Variants in CADPS2 observed in about 807,000 individuals in gnomAD.
CADPS2 encodes calcium dependent secretion activator 2.
In CADPS2, 93 loss-of-function variants were observed where a neutral mutation model predicts 172.5. The ratio of observed to expected loss-of-function variants is 0.54; its 90% CI spans 0.46 to 0.64. The LOEUF (loss-of-function observed/expected upper bound fraction) is 0.64. CADPS2 is among the 30% of genes least tolerant of loss of function. CADPS2 has a pLI of 0.00. For missense variants in CADPS2, 1,420 were observed against 1,565.9 expected (o/e 0.91, Z 1.57); for synonymous variants, 546 against 555.2 (o/e 0.98, Z 0.23).
At chr7:122,743,992 C>T (rs897210395) in intron 1 of CADPS2, among the ~76,000 whole-genome samples, 1 of 152,200 alleles carries the variant, frequency 6.6e-6, no homozygotes, top group African/African-American at 2.4e-5. Flanking sequence ...TCCATAAGCA[C>T]AGATATTTGG....
intron 8 of CADPS2, among the ~76,000 whole-genome samples, chr7:122,514,042 T>G (rs541312370): frequency 1.3e-5 from 2 of 152,152 alleles, no homozygotes; most frequent in African/African-American, 4.8e-5. Flanking sequence ...TTGAGAATAT[T>G]ATTCTTACTG....
chr7:122,443,872 C>G (rs999128853), intron 15 of CADPS2, among the ~76,000 whole-genome samples: 57 of 151,780 alleles, frequency 3.8e-4, no homozygotes, highest in South Asian at 2.1e-4. Flanking sequence ...AAGTATGTAG[C>G]CTTCATTTGT....
chr7:122,509,819 T>C (rs1353508647), intron 9 of CADPS2, among the ~76,000 whole-genome samples: 1 of 152,186 alleles, frequency 6.6e-6, no homozygotes, highest in Non-Finnish European at 1.5e-5. Context: ...CTTCACGGGC[T>C]TATTCTGATA....
intron 28 of CADPS2, among the ~76,000 whole-genome samples, chr7:122,329,892 C>A (rs147553888): frequency 2.6e-5 from 4 of 152,210 alleles, no homozygotes; most frequent in African/African-American, 9.6e-5. Flanking sequence ...TGTCAGAATG[C>A]GGCTTCTGAT....
rs148858852 is a variant in CADPS2, at chr7:122,477,624, G to C, written c.1862-3107C>G. Among the ~76,000 whole-genome samples, 1,460 of 151,752 alleles carry C rather than the reference G, an allele frequency of 9.6e-3. 9 individuals are homozygous for C. The highest frequency in any genetic ancestry group is 0.015 in the South Asian group (70 of 4,800). The stretch of plus-strand genomic sequence containing the variant: ...AACAATAGCATCAAAGCTAGGAGGA[G>C]AGAAACAGATGTAATACGGCTGAAA... On this transcript the variant is annotated intron_variant, in intron 12 of 29. Coordinates refer to ENST00000449022, the MANE Select transcript of CADPS2 (RefSeq NM_017954.11).
At chr7:122,356,767 A>G (rs1407963317) in intron 27 of CADPS2, among the ~76,000 whole-genome samples, 1 of 152,178 alleles carries the variant, frequency 6.6e-6, no homozygotes, top group Non-Finnish European at 1.5e-5. Context: ...AGCTTAGGCC[A>G]CTGGGAGCTC....
At chr7:122,489,886 A>G (rs1191969648) in intron 11 of CADPS2, among the ~76,000 whole-genome samples, 195 bp downstream of exon 11, 2 of 152,180 alleles carry the variant, frequency 1.3e-5, no homozygotes, top group Admixed American at 1.3e-4. Context: ...CCATGATTGG[A>G]AACCACACGT....
At chr7:122,356,114 C>A (rs956265736) in intron 27 of CADPS2, among the ~76,000 whole-genome samples, 1 of 152,098 alleles carries the variant, frequency 6.6e-6, no homozygotes. Context: ...AGTTTCCCTT[C>A]GTTTTTACCC....
intron 7 of CADPS2, among the ~76,000 whole-genome samples, chr7:122,565,061 C>G (rs563971281): frequency 6.6e-6 from 1 of 151,912 alleles, no homozygotes; most frequent in African/African-American, 2.4e-5. Flanking sequence ...ATAATAGACA[C>G]TGGAGACTCC....
rs2068540925 is a variant in CADPS2, at chr7:122,579,630, C to T, written c.1335+1549G>A. On this transcript the variant is annotated intron_variant, in intron 7 of 29. Coordinates refer to ENST00000449022, the MANE Select transcript of CADPS2 (RefSeq NM_017954.11). ...GATATAGTTACAATAAGAAAAGTAACATTAATTTTACCCTTAAAATTAATA... is the reference window on the plus strand; with the variant it reads ...GATATAGTTACAATAAGAAAAGTAATATTAATTTTACCCTTAAAATTAATA... Among the ~76,000 whole-genome samples the T allele has an allele frequency of 2.0e-5, 3 of 151,348 alleles. No individual in the cohort carries two copies. The South Asian group carries it at 6.3e-4, about 32-fold the overall frequency.
intron 4 of CADPS2, among the ~76,000 whole-genome samples, chr7:122,626,127 G>A (rs138283094): frequency 4.5e-4 from 68 of 152,250 alleles, no homozygotes; most frequent in African/African-American, 1.2e-3. Flanking sequence ...ACACAGGACT[G>A]GGGTAACAAA....
chr7:122,637,628 G>T (rs2077206790), intron 3 of CADPS2, among the ~76,000 whole-genome samples: 1 of 152,116 alleles, frequency 6.6e-6, no homozygotes, highest in South Asian at 2.1e-4. Context: ...GATGAGCTTT[G>T]TTGCTACCCA....
At chr7:122,844,511 G>T (rs942816767) in intron 1 of CADPS2, among the ~76,000 whole-genome samples, 50 of 152,178 alleles carry the variant, frequency 3.3e-4, no homozygotes, top group Middle Eastern at 3.4e-3. Context: ...AACTGTGAGA[G>T]GAATTAAAAA....
At position 122,698,463 on chromosome 7, in the gene CADPS2, CACA is replaced by C. The variant is rs777076821; in HGVS notation, c.454-34897_454-34895del. 10 of 1,613,742 alleles carry C rather than the reference CACA, an allele frequency of 6.2e-6. No homozygotes were observed. In the East Asian group the frequency reaches 1.1e-4, roughly 18 times the overall value. ...TGCCTTTTAAGTTACCAATCATAAC[CACA>C]ACGACATCTTCAAATGCCTGATGAA... On this transcript the variant is annotated intron_variant, in intron 2 of 29. Coordinates refer to ENST00000449022, the MANE Select transcript of CADPS2 (RefSeq NM_017954.11).
intron 1 of CADPS2, among the ~76,000 whole-genome samples, chr7:122,778,117 T>C (rs567217483): frequency 6.6e-6 from 1 of 152,144 alleles, no homozygotes; most frequent in Admixed American, 6.5e-5. Context: ...AAAATGCTGA[T>C]AGTGATATGG....
chr7:122,458,607 A>G (rs964670455), intron 14 of CADPS2, among the ~76,000 whole-genome samples: 4 of 152,156 alleles, frequency 2.6e-5, no homozygotes, highest in East Asian at 3.8e-4. Flanking sequence ...TTTGCACTGC[A>G]TTCTAATTTC....
chr7:122,721,701 T>C (rs1214733819), intron 2 of CADPS2, among the ~76,000 whole-genome samples: 2 of 151,940 alleles, frequency 1.3e-5, no homozygotes, highest in South Asian at 2.1e-4. Flanking sequence ...AGGCCAACAT[T>C]GTCCTGATAC....
intron 1 of CADPS2, among the ~76,000 whole-genome samples, chr7:122,815,162 G>C (rs951411355): frequency 6.6e-6 from 1 of 152,138 alleles, no homozygotes; most frequent in Admixed American, 6.5e-5. Flanking sequence ...AAAGTGGTTT[G>C]AGCGTGTTAC....
At position 122,388,471 on chromosome 7, in the gene CADPS2, T is replaced by C; in HGVS notation, c.3164+112A>G. The C allele has an allele frequency of 9.5e-6, 10 of 1,051,088 alleles. No individual in the cohort carries two copies. The South Asian group carries it at 2.3e-4, about 24-fold the overall frequency. 65.1% of individuals were successfully genotyped at this position (1,051,088 alleles called of 1,614,324 possible). On this transcript the variant is annotated intron_variant, in intron 23 of 29. Coordinates refer to ENST00000449022, the MANE Select transcript of CADPS2 (RefSeq NM_017954.11). ...ACCTAATACTCATTAAATGTTGGAATAGTGGTGCATAATGAAACCTTTGCT... is the reference window on the plus strand; with the variant it reads ...ACCTAATACTCATTAAATGTTGGAACAGTGGTGCATAATGAAACCTTTGCT...
Sources: allele counts gnomAD v4.1 joint callset (sites outside exome capture counted in the v4.1 genomes callset), GRCh38; gene constraint gnomAD v4.1.1; transcripts MANE v1.5; gene names NCBI Gene and HGNC (gene_info 2026-07-23, HGNC 2026-07-21).